Variants in IGF1R observed in about 807,000 individuals in gnomAD.
The protein encoded by IGF1R is insulin like growth factor 1 receptor.
IGF1R carries 44 observed loss-of-function variants against 144.6 expected under a neutral mutation model. That is an observed-to-expected ratio of 0.30 (90% confidence interval 0.24 to 0.39). The LOEUF (loss-of-function observed/expected upper bound fraction) is 0.39. IGF1R is among the 10% of genes least tolerant of loss of function. The probability of loss-of-function intolerance (pLI) is 1.00; values close to 1 mark genes in which losing one functional copy is unlikely to be tolerated. For synonymous variants in IGF1R, 795 were observed against 722.8 expected, an observed-to-expected ratio of 1.10 and a Z score of -1.60; for missense variants, 1,355 against 1,833.7, an observed-to-expected ratio of 0.74 and a Z score of 4.77.
At chr15:98,861,639 G>A (rs1032808157) in intron 2 of IGF1R, among the ~76,000 whole-genome samples, 11 of 152,192 alleles carry the variant, frequency 7.2e-5, no homozygotes, top group African/African-American at 1.4e-4. Flanking sequence ...TTTGTATCCC[G>A]TCTTTACCAC....
intron 2 of IGF1R, among the ~76,000 whole-genome samples, chr15:98,833,339 C>A (rs116231063): frequency 7.7e-4 from 117 of 152,308 alleles, no homozygotes; most frequent in Middle Eastern, 3.4e-3. Flanking sequence ...TTGTGATTGA[C>A]CTGGACCCCC....
At chr15:98,761,453 A>G (rs1033829218) in intron 2 of IGF1R, among the ~76,000 whole-genome samples, 1 of 152,198 alleles carries the variant, frequency 6.6e-6, no homozygotes, top group Non-Finnish European at 1.5e-5. Context: ...AAGTGACTTC[A>G]TGGACCAGTC....
chr15:98,752,332 T>C (rs2055032413), intron 2 of IGF1R, among the ~76,000 whole-genome samples: 2 of 152,164 alleles, frequency 1.3e-5, no homozygotes, highest in South Asian at 4.1e-4. Flanking sequence ...TCCTGCTGTC[T>C]GGGGAGTCGT....
At chr15:98,695,913 A>G (rs1168032368) in intron 1 of IGF1R, among the ~76,000 whole-genome samples, 1 of 151,910 alleles carries the variant, frequency 6.6e-6, no homozygotes, top group Non-Finnish European at 1.5e-5. Context: ...ATGTTCTTCC[A>G]CTGACTTATC....
At chr15:98,655,291 TAAC>T (rs1442210247) in intron 1 of IGF1R, among the ~76,000 whole-genome samples, 6 of 152,244 alleles carry the variant, frequency 3.9e-5, no homozygotes, top group Non-Finnish European at 8.8e-5. Flanking sequence ...CTCAAAGTAT[TAAC>T]AATACCTTTG....
intron 2 of IGF1R, among the ~76,000 whole-genome samples, chr15:98,862,935 G>T (rs1429818989): frequency 3.9e-5 from 6 of 152,122 alleles, no homozygotes; most frequent in African/African-American, 1.4e-4. Context: ...TATCAAAACA[G>T]TGTTCACTCC....
At chr15:98,678,996 A>T (rs1228457306) in intron 1 of IGF1R, among the ~76,000 whole-genome samples, 1 of 143,318 alleles carries the variant, frequency 7.0e-6, no homozygotes, top group Non-Finnish European at 1.5e-5. Flanking sequence ...GTCATGGCTC[A>T]CTGTAGCCCC....
At chr15:98,724,516 C>T (rs1358952087) in intron 2 of IGF1R, among the ~76,000 whole-genome samples, 1 of 152,230 alleles carries the variant, frequency 6.6e-6, no homozygotes, top group Non-Finnish European at 1.5e-5. Context: ...TCACCGTCAG[C>T]TTTTCTCTGG....
intron 1 of IGF1R, among the ~76,000 whole-genome samples, chr15:98,687,851 C>T (rs1047627665): frequency 1.3e-5 from 2 of 152,016 alleles, no homozygotes; most frequent in African/African-American, 2.4e-5. Flanking sequence ...TTGTCTTTGC[C>T]ATCTCTGGCC....
chr15:98,850,237 G>A (rs762769628), intron 2 of IGF1R, among the ~76,000 whole-genome samples: 6 of 152,354 alleles, frequency 3.9e-5, no homozygotes, highest in African/African-American at 7.2e-5. Flanking sequence ...TAGCTGGCAG[G>A]TGGGCATGGT....
At chr15:98,949,493 C>G (rs1463261593) in intron 20 of IGF1R, among the ~76,000 whole-genome samples, 1 of 151,780 alleles carries the variant, frequency 6.6e-6, no homozygotes, top group African/African-American at 2.4e-5. Flanking sequence ...ATTCTCCTGC[C>G]TCACCCTCCA....
chr15:98,926,302 G>A (rs2015715997), intron 13 of IGF1R, among the ~76,000 whole-genome samples: 1 of 152,106 alleles, frequency 6.6e-6, no homozygotes, highest in Admixed American at 6.5e-5. Context: ...AGGTTACCAG[G>A]GGCTGAGGGT....
At chr15:98,921,727 C>T (rs1170528739) in intron 10 of IGF1R, among the ~76,000 whole-genome samples, 1 of 152,152 alleles carries the variant, frequency 6.6e-6, no homozygotes, top group Non-Finnish European at 1.5e-5. Flanking sequence ...GGGGCCTCTG[C>T]CACACACCTC....
At chr15:98,682,689 A>G (rs914084358) in intron 1 of IGF1R, among the ~76,000 whole-genome samples, 1 of 151,974 alleles carries the variant, frequency 6.6e-6, no homozygotes, top group African/African-American at 2.4e-5. Context: ...CTGGGATTAC[A>G]GGCACGTGCC....
At chr15:98,768,636 A>G (rs2055498648) in intron 2 of IGF1R, among the ~76,000 whole-genome samples, 1 of 126,588 alleles carries the variant, frequency 7.9e-6, no homozygotes, top group Non-Finnish European at 1.7e-5. Context: ...AAAAATGCCC[A>G]CAACTGGGCA....
intron 2 of IGF1R, among the ~76,000 whole-genome samples, chr15:98,874,821 T>G (rs2012971903): frequency 6.6e-6 from 1 of 152,194 alleles, no homozygotes; most frequent in Non-Finnish European, 1.5e-5. Context: ...GAGTCGGCCC[T>G]CCTTTTCCCC....
rs114057289 is a variant in IGF1R, at chr15:98,895,345, G to A, written c.954-1412G>A. Among the ~76,000 whole-genome samples the A allele has an allele frequency of 8.1e-3, 1,238 of 152,072 alleles. 13 individuals carry two copies. The highest frequency in any genetic ancestry group is 0.029 in the African/African-American group (1,191 of 41,454). ...GGAGGAAGTTGGATGAAGGCTATGTGGGATCTCTCTGTAACTTTCTCGTAA... is the reference window on the plus strand; with the variant it reads ...GGAGGAAGTTGGATGAAGGCTATGTAGGATCTCTCTGTAACTTTCTCGTAA... On this transcript the variant is annotated intron_variant, in intron 3 of 20. Transcript: ENST00000650285.
At chr15:98,896,017 C>T (rs2014176811) in intron 3 of IGF1R, among the ~76,000 whole-genome samples, 1 of 151,946 alleles carries the variant, frequency 6.6e-6, no homozygotes, top group African/African-American at 2.4e-5. Flanking sequence ...GGAAAAGTGC[C>T]AGTCTTACTT....
intron 2 of IGF1R, among the ~76,000 whole-genome samples, chr15:98,714,517 G>A (rs573653498): frequency 6.6e-5 from 10 of 152,154 alleles, no homozygotes; most frequent in African/African-American, 1.7e-4. Flanking sequence ...GTGGAGGCAC[G>A]TGCCTATAGT....
Sources: gnomAD v4.1 joint callset for allele counts (sites outside exome capture counted in the v4.1 genomes callset) on GRCh38, gnomAD v4.1.1 for gene constraint, MANE v1.5 for transcripts, NCBI Gene and HGNC (gene_info 2026-07-23, HGNC 2026-07-21) for gene names.